COPS3: variants seen among roughly 807,000 people sequenced by gnomAD.
COPS3 encodes the protein COP9 signalosome complex subunit 3.
Under a neutral mutation model 58.2 loss-of-function variants are expected in COPS3, and 10 were observed. The ratio of observed to expected loss-of-function variants is 0.17; its 90% CI spans 0.11 to 0.29. The LOEUF (loss-of-function observed/expected upper bound fraction) is 0.29, where lower values mean the gene tolerates loss of function less well. Ranked by LOEUF, COPS3 falls within the 10% of genes least tolerant of loss-of-function variation. The pLI is 1.00. For synonymous variants in COPS3, 187 were observed against 181.7 expected, an observed-to-expected ratio of 1.03 and a Z score of -0.24; for missense variants, 333 against 510.1, an observed-to-expected ratio of 0.65 and a Z score of 3.34.
intron 9 of COPS3, among the ~76,000 whole-genome samples, chr17:17,252,401 T>C (rs1361521562): frequency 6.6e-6 from 1 of 150,488 alleles, no homozygotes; most frequent in Non-Finnish European, 1.5e-5. Flanking sequence ...CTGTCCTGGG[T>C]ACAGATAACG....
intron 9 of COPS3, among the ~76,000 whole-genome samples, chr17:17,249,639 T>G (rs1191250734): frequency 6.6e-6 from 1 of 152,188 alleles, no homozygotes; most frequent in South Asian, 2.1e-4. Context: ...ATTACAGGCA[T>G]GCACCACCAC....
At position 17,263,505 on chromosome 17, in the gene COPS3, C is replaced by CTTTTTTT. The variant is rs1400982096; in HGVS notation, c.621+1296_621+1297insAAAAAAA. Among the ~76,000 whole-genome samples the CTTTTTTT allele has an allele frequency of 2.1e-4, 23 of 108,494 alleles. 1 individual carries two copies. Among genetic ancestry groups the CTTTTTTT allele is most frequent in the Admixed American group, 4.3e-4 (4 of 9,272 alleles). 71.2% of individuals were successfully genotyped at this position (108,494 alleles called of 152,430 possible). On this transcript the variant is annotated intron_variant, in intron 6 of 11. Transcript: ENST00000268717. The stretch of plus-strand genomic sequence containing the variant: ...TGAGCCACCTCACCCAGCCTCTTGC[C>CTTTTTTT]TTTTCTTTTTTTTTTTTTTTTTTTT...
At chr17:17,254,976 TAGGAACAACGA>T in intron 8 of COPS3, 31 bp from the exon 9 acceptor site, 1 of 1,475,978 alleles carries the variant, frequency 6.8e-7, no homozygotes, top group Non-Finnish European at 9.5e-7. Context: ...TAGTCACAGG[TAGGAACAACGA>T]AGGAAGGACA....
chr17:17,248,095 ACC>A (rs747066681), intron 10 of COPS3, among the ~76,000 whole-genome samples: 20 of 151,932 alleles, frequency 1.3e-4, no homozygotes, highest in Non-Finnish European at 2.9e-4. Context: ...TCCTCCAGCC[ACC>A]CCGACTCTGC....
chr17:17,269,840 A>C (rs2145239941), intron 4 of COPS3, among the ~76,000 whole-genome samples: 1 of 152,266 alleles, frequency 6.6e-6, no homozygotes, highest in East Asian at 1.9e-4. Context: ...GGGGTCTGTC[A>C]ATTTGTTGAT....
intron 9 of COPS3, among the ~76,000 whole-genome samples, chr17:17,250,285 C>T (rs1388041154): frequency 1.5e-5 from 2 of 137,618 alleles, no homozygotes; most frequent in African/African-American, 5.5e-5. Context: ...GATGGGGTCT[C>T]GCTCTGTTGC....
intron 9 of COPS3, among the ~76,000 whole-genome samples, chr17:17,254,561 C>T (rs550335739): frequency 6.6e-6 from 1 of 152,174 alleles, no homozygotes; most frequent in South Asian, 2.1e-4. Flanking sequence ...CCTATAATCC[C>T]AGCACTTTGG....
intron 1 of COPS3, among the ~76,000 whole-genome samples, chr17:17,280,290 C>T (rs1216627368): frequency 6.6e-6 from 1 of 152,112 alleles, no homozygotes; most frequent in Non-Finnish European, 1.5e-5. Context: ...GTAATCCCAG[C>T]TACTCGGGAG....
intron 2 of COPS3, among the ~76,000 whole-genome samples, chr17:17,272,282 G>A (rs2048369799): frequency 6.6e-6 from 1 of 152,180 alleles, no homozygotes. Context: ...AATTAGCCGG[G>A]CGTGGTGGCA....
chr17:17,271,863 C>A (rs901894272), intron 2 of COPS3, among the ~76,000 whole-genome samples: 2 of 113,186 alleles, frequency 1.8e-5, no homozygotes, highest in African/African-American at 6.8e-5. Flanking sequence ...TATATACACA[C>A]ATACACACAC....
chr17:17,262,597 G>T (rs944006488), intron 6 of COPS3, among the ~76,000 whole-genome samples: 4 of 152,024 alleles, frequency 2.6e-5, no homozygotes, highest in Non-Finnish European at 4.4e-5. Context: ...GGGTGTGGTG[G>T]TGGGCGCCTG....
rs758877271 is a variant in COPS3 at position 17,259,967 on chromosome 17, G to A, written c.936+334C>T. 3.9e-5 allele frequency among the ~76,000 whole-genome samples: 6 copies of A among 151,930 alleles called. No homozygotes were observed. In the South Asian group the frequency reaches 1.2e-3, roughly 32 times the overall value. ...CAGACAGGTTGCAAGGCTGGTGACA[G>A]TGCACTGAGGTCTGCATCATTAGCA... On this transcript the variant is annotated intron_variant, in intron 8 of 11. Transcript: ENST00000268717.
At chr17:17,275,868 G>A (rs2048450459) in intron 2 of COPS3, among the ~76,000 whole-genome samples, 167 bp downstream of exon 2, 1 of 152,154 alleles carries the variant, frequency 6.6e-6, no homozygotes, top group Admixed American at 6.5e-5. Flanking sequence ...AGTGAACCCG[G>A]GAGGCGGAGC....
At chr17:17,261,254 T>C (rs966466034) in intron 7 of COPS3, among the ~76,000 whole-genome samples, 3 of 152,144 alleles carry the variant, frequency 2.0e-5, no homozygotes, top group Admixed American at 1.3e-4. Flanking sequence ...GGGCCGGGCA[T>C]GGTGGCTCAC....
intron 1 of COPS3, among the ~76,000 whole-genome samples, chr17:17,279,476 A>G (rs1375839650): frequency 4.6e-5 from 7 of 152,214 alleles, no homozygotes; most frequent in Admixed American, 4.6e-4. Flanking sequence ...ATTCATAGAA[A>G]AGGCAAGCCT....
At chr17:17,247,837 A>C (rs1301571832) in intron 10 of COPS3, 6 of 319,110 alleles carry the variant, frequency 1.9e-5, no homozygotes, top group Non-Finnish European at 2.9e-5. Context: ...TGCTGAGATA[A>C]ATGAAGACTA....
intron 5 of COPS3, among the ~76,000 whole-genome samples, chr17:17,267,672 C>T (rs563414721): frequency 6.6e-6 from 1 of 151,348 alleles, no homozygotes; most frequent in African/African-American, 2.4e-5. Context: ...CTATTAATTA[C>T]CCTATCTGTT....
intron 1 of COPS3, 65 bp downstream of exon 1, chr17:17,281,067 C>A: frequency 2.6e-6 from 4 of 1,529,772 alleles, no homozygotes; most frequent in South Asian, 2.3e-5. Context: ...TCCGTGCTGG[C>A]GCCTGGGGAT....
intron 11 of COPS3, 61 bp downstream of exon 11, chr17:17,247,419 T>C (rs2047747526): frequency 6.9e-7 from 1 of 1,457,196 alleles, no homozygotes; most frequent in African/African-American, 1.4e-5. Context: ...CTGTGCCTGA[T>C]GTGACAACAC....
Sources: allele counts gnomAD v4.1 joint callset (sites outside exome capture counted in the v4.1 genomes callset), GRCh38; gene constraint gnomAD v4.1.1; transcripts MANE v1.5; gene names NCBI Gene and HGNC (gene_info 2026-07-23, HGNC 2026-07-21).